Variants in DCDC1 observed in about 807,000 individuals in gnomAD.
DCDC1 encodes doublecortin domain containing 1, also known as doublecortin domain-containing protein 1.
In DCDC1, 200 loss-of-function variants were observed where a neutral mutation model predicts 178.3. The ratio of observed to expected loss-of-function variants is 1.12; its 90% CI spans 1.00 to 1.26. DCDC1 has a LOEUF of 1.26. Among genes scored for constraint, DCDC1 ranks in the 50% most tolerant of loss-of-function variants. The pLI is 0.00. For missense variants in DCDC1, 1,983 were observed against 1,749.2 expected, an observed-to-expected ratio of 1.13 and a Z score of -2.38; for synonymous variants, 690 against 604.8, an observed-to-expected ratio of 1.14 and a Z score of -2.07.
rs376552039 is a variant in DCDC1 at position 31,053,372 on chromosome 11, C to T, written c.2591+11097G>A. The stretch of plus-strand genomic sequence containing the variant: ...CCAACAAAAAAAGTCCAGCACCAGA[C>T]GGATTCACAGCAGAATTCCACCAGA... On this transcript the variant is annotated intron_variant, in intron 20 of 38. Transcript: ENST00000684477. Among the ~76,000 whole-genome samples the T allele has an allele frequency of 5.9e-5, 9 of 152,110 alleles. No individual in the cohort carries two copies. In the South Asian group the frequency reaches 1.0e-3, roughly 18 times the overall value.
Position 31,094,117 on chromosome 11 carries a change from G to A in DCDC1, c.2051C>T (p.Ala684Val), listed in dbSNP as rs1258326180. ...IGKWSFSGSEASSRSQIAPSI... is the reference protein window; with the variant it reads ...IGKWSFSGSEVSSRSQIAPSI... ...TGGCGCTATTTGACTCCTGCTGCTT[G>A]CTTCACTGCCTGAGAAACTCCACTT... Residue 684 changes from alanine to valine, a missense_variant, in exon 16 of 39, where the codon GCA becomes GTA. Physicochemically the swap from Ala to Val is moderately conservative, Grantham distance 64. Transcript: ENST00000684477. 1.3e-6 allele frequency: 1 copy of A among 766,202 alleles called. No individual in the cohort carries two copies. The highest frequency in any genetic ancestry group is 2.4e-6 in the Non-Finnish European group (1 of 417,808). The allele number at this position is 766,202 out of a possible 1,614,324, so 47.5% of individuals were successfully genotyped here.
At chr11:30,932,129 G>T (rs1375123231) in intron 21 of DCDC1, among the ~76,000 whole-genome samples, 177 bp from the exon 22 acceptor site, 2 of 152,150 alleles carry the variant, frequency 1.3e-5, no homozygotes, top group Non-Finnish European at 2.9e-5. Context: ...GAAGAGGAAA[G>T]ATAATTATTT....
At chr11:30,983,048 G>C (rs1950470864) in intron 20 of DCDC1, among the ~76,000 whole-genome samples, 1 of 152,128 alleles carries the variant, frequency 6.6e-6, no homozygotes, top group Non-Finnish European at 1.5e-5. Context: ...AGCTGTGTTG[G>C]AAAATGCTAA....
chr11:31,232,332 T>C (rs1340363788), intron 9 of DCDC1, among the ~76,000 whole-genome samples: 1 of 152,150 alleles, frequency 6.6e-6, no homozygotes, highest in Non-Finnish European at 1.5e-5. Flanking sequence ...TACTTAACAG[T>C]TTTAAAATCC....
chr11:30,881,820 C>A (rs933898696), intron 36 of DCDC1, among the ~76,000 whole-genome samples: 3 of 152,120 alleles, frequency 2.0e-5, no homozygotes, highest in African/African-American at 7.2e-5. Flanking sequence ...TTGTTTTCAA[C>A]TGATACATTT....
intron 20 of DCDC1, among the ~76,000 whole-genome samples, chr11:31,028,372 T>C (rs961517306): frequency 6.6e-6 from 1 of 151,974 alleles, no homozygotes; most frequent in Non-Finnish European, 1.5e-5. Context: ...CTTCTCGAAA[T>C]GTTCAGAGTC....
intron 6 of DCDC1, among the ~76,000 whole-genome samples, chr11:31,298,598 T>A (rs561842028): frequency 6.6e-6 from 1 of 152,214 alleles, no homozygotes; most frequent in East Asian, 1.9e-4. Flanking sequence ...TTTTATTTGA[T>A]AGAATCCATG....
At chr11:31,237,413 G>A (rs188167412) in intron 9 of DCDC1, among the ~76,000 whole-genome samples, 171 of 151,862 alleles carry the variant, frequency 1.1e-3, no homozygotes, top group African/African-American at 3.9e-3. Context: ...TTCAGTACCT[G>A]AGATTGCTAA....
intron 36 of DCDC1, among the ~76,000 whole-genome samples, 179 bp downstream of exon 36, chr11:30,892,639 T>C (rs1943885472): frequency 6.6e-6 from 1 of 152,186 alleles, no homozygotes; most frequent in Admixed American, 6.5e-5. Flanking sequence ...AACTTCACCT[T>C]TTCACACATA....
intron 12 of DCDC1, among the ~76,000 whole-genome samples, chr11:31,109,189 G>A (rs1471141009): frequency 6.6e-6 from 1 of 150,394 alleles, no homozygotes; most frequent in Non-Finnish European, 1.5e-5. Context: ...TGTGATCTCA[G>A]CTAAATGCAA....
chr11:30,996,767 A>G (rs1275563265), intron 20 of DCDC1, among the ~76,000 whole-genome samples: 1 of 152,204 alleles, frequency 6.6e-6, no homozygotes, highest in Non-Finnish European at 1.5e-5. Flanking sequence ...TTTAAGAATT[A>G]CTCAGTCTCA....
At chr11:30,877,936 T>C (rs1268630441) in intron 38 of DCDC1, among the ~76,000 whole-genome samples, 2 of 152,146 alleles carry the variant, frequency 1.3e-5, no homozygotes, top group Non-Finnish European at 2.9e-5. Context: ...ATATGGAATG[T>C]TTGATGGAAT....
At chr11:30,889,543 C>A (rs73463201) in intron 36 of DCDC1, among the ~76,000 whole-genome samples, 3,848 of 152,218 alleles carry the variant, frequency 0.025, 158 homozygotes, top group African/African-American at 0.087. Flanking sequence ...AAATCCAAAC[C>A]CTACCCTTCC....
chr11:31,245,950 A>G (rs999657434), intron 8 of DCDC1, among the ~76,000 whole-genome samples: 1 of 151,870 alleles, frequency 6.6e-6, no homozygotes, highest in South Asian at 2.1e-4. Context: ...CATGATAAGG[A>G]ACCAAAAATC....
intron 3 of DCDC1, chr11:31,312,643 G>A (rs1248280752): frequency 2.6e-5 from 4 of 152,162 alleles, no homozygotes; most frequent in Non-Finnish European, 5.9e-5. Context: ...CTTCAGCTAG[G>A]ACATTAATCT....
chr11:30,940,854 C>T lies in DCDC1; in HGVS notation c.2716-8902G>A, dbSNP rs148464427. 1.8e-4 allele frequency among the ~76,000 whole-genome samples: 28 copies of T among 152,092 alleles called. No homozygotes were observed. In the South Asian group the frequency reaches 4.2e-3, roughly 23 times the overall value. ...GATGCTTATCTCATTAATTTTTAGC[C>T]TCTTTTCCATTTTAATATAAGCATT... On this transcript the variant is annotated intron_variant, in intron 21 of 38. Coordinates refer to ENST00000684477, the MANE Select transcript of DCDC1 (RefSeq NM_001387274.1).
chr11:31,307,381 A>T (rs956117057), intron 4 of DCDC1: 1 of 469,492 alleles, frequency 2.1e-6, no homozygotes, highest in Non-Finnish European at 3.8e-6. Flanking sequence ...ATATTTCATG[A>T]TCCTAGCCTG....
chr11:31,347,268 CAGTGAACT>C (rs749776714), intron 1 of DCDC1, among the ~76,000 whole-genome samples: 15 of 152,300 alleles, frequency 9.8e-5, no homozygotes, highest in Non-Finnish European at 1.3e-4. Flanking sequence ...AATTCCTTCA[CAGTGAACT>C]AGGTGCTTAA....
chr11:31,223,902 T>G (rs1268681354), intron 9 of DCDC1, among the ~76,000 whole-genome samples: 1 of 152,078 alleles, frequency 6.6e-6, no homozygotes, highest in Non-Finnish European at 1.5e-5. Context: ...AATCTCAACT[T>G]GAATTGTATC....
Sources: allele counts gnomAD v4.1 joint callset (sites outside exome capture counted in the v4.1 genomes callset), GRCh38; gene constraint gnomAD v4.1.1; transcripts MANE v1.5; gene names NCBI Gene and HGNC (gene_info 2026-07-23, HGNC 2026-07-21).